POLR1A: variants seen among roughly 807,000 people sequenced by gnomAD.
POLR1A encodes DNA-directed RNA polymerase I subunit RPA1.
A neutral mutation model predicts 205.3 loss-of-function variants in POLR1A; 84 were observed. The observed-to-expected ratio is 0.41, with a 90% CI of 0.34 to 0.49. The LOEUF is 0.49. POLR1A is among the 20% of genes least tolerant of loss of function. The probability of loss-of-function intolerance (pLI) is 0.22; values close to 1 mark genes in which losing one functional copy is unlikely to be tolerated. For synonymous variants in POLR1A, 799 were observed against 863.7 expected (o/e 0.93, Z 1.31); for missense variants, 1,645 against 2,204.5 (o/e 0.75, Z 5.08).
intron 3 of POLR1A, among the ~76,000 whole-genome samples, chr2:86,093,440 G>A (rs1673645215): frequency 6.6e-6 from 1 of 152,154 alleles, no homozygotes; most frequent in Non-Finnish European, 1.5e-5. Flanking sequence ...AAATATGACC[G>A]TGATACGATC....
Position 86,033,320 on chromosome 2 carries a change from C to T in POLR1A, c.4161+341G>A, listed in dbSNP as rs558968894. On this transcript the variant is annotated intron_variant, in intron 28 of 33. Transcript: ENST00000263857. ...AGTCGAAGGCAGAGCCAAAGGAAAC[C>T]GGAAAAAGAACTTTCAAAGGCTCAG... Among the ~76,000 whole-genome samples, 33 of 152,360 alleles carry T rather than the reference C, an allele frequency of 2.2e-4. No individual in the cohort carries two copies. In the South Asian group the frequency reaches 6.6e-3, roughly 31 times the overall value.
intron 16 of POLR1A, among the ~76,000 whole-genome samples, chr2:86,050,012 G>C (rs1672774006): frequency 6.6e-6 from 1 of 151,976 alleles, no homozygotes; most frequent in African/African-American, 2.4e-5. Flanking sequence ...CTGCCTCCCA[G>C]GTTCAAGTGA....
At position 86,020,513 on chromosome 2, in the gene POLR1A, A is replaced by C. The variant is rs941060324; in HGVS notation, c.*6910T>G. On this transcript the variant is annotated 3_prime_UTR_variant, in exon 34 of 34. Transcript: ENST00000263857. ...CTGTGAGCCGTGATTGCAACCCTGC[A>C]CTCCAGCCTGGGCAACAGAGTGAGA... The C allele has an allele frequency of 7.1e-6, 1 of 139,952 alleles. No homozygotes were observed. The highest frequency in any genetic ancestry group is 2.1e-4 in the East Asian group (1 of 4,876). The allele number at this position is 139,952 out of a possible 1,614,324, so 8.7% of individuals were successfully genotyped here. A position where few individuals can be genotyped will look rare whatever the true frequency, so the allele number is the denominator to read the frequency against.
intron 16 of POLR1A, among the ~76,000 whole-genome samples, chr2:86,050,295 A>G (rs1327667651): frequency 2.0e-5 from 3 of 152,246 alleles, no homozygotes; most frequent in Non-Finnish European, 4.4e-5. Flanking sequence ...GAAAGAAAAC[A>G]GCAGGTGTAC....
At chr2:86,027,625 G>A (rs2104376052) in intron 33 of POLR1A, 102 bp from the exon 34 acceptor site, 3 of 1,052,224 alleles carry the variant, frequency 2.9e-6, no homozygotes, top group Non-Finnish European at 2.9e-6. Context: ...GACTCAGGTG[G>A]GTCCTGAGTC....
chr2:86,098,650 G>C lies in POLR1A; in HGVS notation c.393C>G (p.Ala131=). 1 of 1,613,494 alleles carries C rather than the reference G, an allele frequency of 6.2e-7. No individual in the cohort carries two copies. The highest frequency in any genetic ancestry group is 8.5e-7 in the Non-Finnish European group (1 of 1,179,846). Residue 131 remains alanine, a synonymous_variant, in exon 3 of 34, where the codon GCC becomes GCG. Transcript: ENST00000263857. ...LCQLRVLEVG[A]LQAVYELERI... is the part of the protein sequence containing the mutation. ...TCTCAAGCTCGTAGACTGCTTGTAG[G>C]GCCCCGACTTCCAGAACCCTCAGCT...
At chr2:86,069,045 T>C (rs1278332638) in intron 13 of POLR1A, among the ~76,000 whole-genome samples, 1 of 152,216 alleles carries the variant, frequency 6.6e-6, no homozygotes, top group South Asian at 2.1e-4. Context: ...TTGGACAAGT[T>C]ACACGAATCC....
intron 6 of POLR1A, among the ~76,000 whole-genome samples, chr2:86,085,759 G>A (rs1673493881): frequency 6.6e-6 from 1 of 152,212 alleles, no homozygotes; most frequent in Non-Finnish European, 1.5e-5. Flanking sequence ...AACTTCTGCA[G>A]CTTGCAACAA....
intron 3 of POLR1A, among the ~76,000 whole-genome samples, chr2:86,096,544 T>A (rs540268165): frequency 6.6e-6 from 1 of 152,194 alleles, no homozygotes; most frequent in African/African-American, 2.4e-5. Context: ...AAAGCTGTAG[T>A]AACCAAAACA....
At chr2:86,031,991 A>T (rs1250293964) in intron 29 of POLR1A, among the ~76,000 whole-genome samples, 1 of 152,262 alleles carries the variant, frequency 6.6e-6, no homozygotes, top group East Asian at 1.9e-4. Flanking sequence ...AGGCAGCCTG[A>T]CTTTTTCTTG....
intron 16 of POLR1A, among the ~76,000 whole-genome samples, chr2:86,050,346 CA>C (rs1166454918): frequency 1.3e-5 from 2 of 152,196 alleles, no homozygotes; most frequent in African/African-American, 4.8e-5. Context: ...ATTCCCAACG[CA>C]AGGTCCTGGA....
intron 22 of POLR1A, 152 bp from the exon 23 acceptor site, chr2:86,043,347 A>T: frequency 1.5e-6 from 1 of 650,884 alleles, no homozygotes; most frequent in Non-Finnish European, 2.7e-6. Context: ...ACTCTCAGAG[A>T]GGCTGAGCAT....
intron 11 of POLR1A, among the ~76,000 whole-genome samples, chr2:86,076,337 C>G (rs964336408): frequency 6.6e-6 from 1 of 152,346 alleles, no homozygotes; most frequent in African/African-American, 2.4e-5. Flanking sequence ...CCTGAGCCTG[C>G]TCTACTGTTG....
chr2:86,075,921 A>G (rs1461660871), intron 11 of POLR1A, among the ~76,000 whole-genome samples: 2 of 152,126 alleles, frequency 1.3e-5, no homozygotes. Flanking sequence ...GTCCTCAAAT[A>G]CCCTGACATC....
intron 12 of POLR1A, among the ~76,000 whole-genome samples, chr2:86,072,595 A>C (rs976412243): frequency 6.6e-6 from 1 of 152,210 alleles, no homozygotes; most frequent in African/African-American, 2.4e-5. Context: ...CTAAATAAAT[A>C]CTGCAGTGAA....
Position 86,028,741 on chromosome 2 carries a change from G to C in POLR1A, c.4780-30C>G. 1 of 1,546,794 alleles carries C rather than the reference G, an allele frequency of 6.5e-7. No individual in the cohort carries two copies. The highest frequency in any genetic ancestry group is 8.9e-7 in the Non-Finnish European group (1 of 1,119,228). On this transcript the variant is annotated intron_variant, in intron 31 of 33. Transcript: ENST00000263857. The surrounding 1 kb of genome is among the most constrained non-coding windows in gnomAD (Gnocchi z 4.5). ...AGAGAGGAAGGAAGGGATTTATTTA[G>C]AGGGCCTGGCCTTCTGCTCCCTTCT...
rs554192928 is a variant in POLR1A at position 86,022,424 on chromosome 2, G to T, written c.*4999C>A. 2.0e-5 allele frequency: 3 copies of T among 152,360 alleles called. 1 individual carries two copies. Among genetic ancestry groups the T allele is most frequent in the African/African-American group, 7.2e-5 (3 of 41,570 alleles). 9.4% of individuals were successfully genotyped at this position (152,360 alleles called of 1,614,324 possible). On this transcript the variant is annotated 3_prime_UTR_variant, in exon 34 of 34. Coordinates refer to ENST00000263857, the MANE Select transcript of POLR1A (RefSeq NM_015425.6). ...AAACCTAGGGCCAGTGACTCCTTGA[G>T]ATGTCATCGTACCGATAGGTGGTGA...
chr2:86,063,292 A>G (rs984648707), intron 14 of POLR1A, among the ~76,000 whole-genome samples: 2 of 128,088 alleles, frequency 1.6e-5, no homozygotes, highest in African/African-American at 2.8e-5. Context: ...CCAGGATCAC[A>G]CCATTGCATT....
At chr2:86,027,856 G>C (rs187510322) in intron 33 of POLR1A, 29 bp downstream of exon 33, 2 of 1,613,200 alleles carry the variant, frequency 1.2e-6, no homozygotes, top group Admixed American at 3.3e-5. Flanking sequence ...CAGTAGAGGG[G>C]AGGCCAGGGC....
Sources: gnomAD v4.1 joint callset for allele counts (sites outside exome capture counted in the v4.1 genomes callset) on GRCh38, gnomAD v4.1.1 for gene constraint, Gnocchi (gnomAD v3.1) non-coding constraint, MANE v1.5 for transcripts, NCBI Gene and HGNC (gene_info 2026-07-23, HGNC 2026-07-21) for gene names.